Variants in KCTD8 observed in about 807,000 individuals in gnomAD.
The protein encoded by KCTD8 is potassium channel tetramerization domain containing 8, also known as BTB/POZ domain-containing protein KCTD8.
A neutral mutation model predicts 31.5 loss-of-function variants in KCTD8; 27 were observed. That is an observed-to-expected ratio of 0.86 (90% CI 0.63 to 1.18). The LOEUF (loss-of-function observed/expected upper bound fraction) is 1.18, where lower values mean the gene tolerates loss of function less well. KCTD8 is among the 50% of genes most tolerant of loss of function. The pLI, the probability that KCTD8 is intolerant of heterozygous loss-of-function variation, is 0.00. For synonymous variants in KCTD8, 290 were observed against 280.0 expected (o/e 1.04, Z -0.36); for missense variants, 658 against 647.7 (o/e 1.02, Z -0.17).
chr4:44,314,402 AC>A (rs888146981), intron 1 of KCTD8, among the ~76,000 whole-genome samples: 4 of 152,180 alleles, frequency 2.6e-5, no homozygotes, highest in African/African-American at 9.7e-5. Context: ...AAAAATAAAG[AC>A]AAATGAGAAA....
chr4:44,219,734 C>G (rs1316933184), intron 1 of KCTD8, among the ~76,000 whole-genome samples: 1 of 152,048 alleles, frequency 6.6e-6, no homozygotes, highest in Non-Finnish European at 1.5e-5. Context: ...TACAGTAACT[C>G]TAGGATACTA....
At chr4:44,362,273 A>G (rs1719517582) in intron 1 of KCTD8, among the ~76,000 whole-genome samples, 1 of 152,138 alleles carries the variant, frequency 6.6e-6, no homozygotes. Context: ...AGAATTTAGA[A>G]CTTTATTTCT....
chr4:44,344,736 G>A (rs960936301), intron 1 of KCTD8, among the ~76,000 whole-genome samples: 30 of 152,208 alleles, frequency 2.0e-4, no homozygotes, highest in African/African-American at 6.7e-4. Context: ...TTCACAATAT[G>A]CTTATATTAA....
In KCTD8 at chr4:44,400,822, T is replaced by C. The variant is rs1400306507; in HGVS notation, c.961+46741A>G. 4.6e-5 allele frequency among the ~76,000 whole-genome samples: 7 copies of C among 151,704 alleles called. No homozygotes were observed. The East Asian group carries it at 1.4e-3, about 29-fold the overall frequency. On this transcript the variant is annotated intron_variant, in intron 1 of 1. Transcript: ENST00000360029. Reference sequence around the variant, plus strand: ...TAAACTAAATGGTATTTTAGTTCAATGAATGAATTTCATAATTTAAAGTAA... The same window carrying C: ...TAAACTAAATGGTATTTTAGTTCAACGAATGAATTTCATAATTTAAAGTAA...
At chr4:44,266,981 T>C (rs950335370) in intron 1 of KCTD8, among the ~76,000 whole-genome samples, 1 of 152,076 alleles carries the variant, frequency 6.6e-6, no homozygotes, top group African/African-American at 2.4e-5. Flanking sequence ...ATTAGACAGA[T>C]CAACGAGACA....
intron 1 of KCTD8, among the ~76,000 whole-genome samples, chr4:44,333,232 A>G (rs1718636093): frequency 1.3e-5 from 2 of 152,106 alleles, no homozygotes; most frequent in Non-Finnish European, 2.9e-5. Flanking sequence ...AAGACAGACA[A>G]TCCAATACAG....
At chr4:44,270,342 G>A (rs1388352817) in intron 1 of KCTD8, among the ~76,000 whole-genome samples, 1 of 139,906 alleles carries the variant, frequency 7.1e-6, no homozygotes, top group Non-Finnish European at 1.5e-5. Context: ...ATTGAACAAT[G>A]AGAACACATG....
intron 1 of KCTD8, among the ~76,000 whole-genome samples, chr4:44,216,520 T>C (rs1177192903): frequency 1.2e-4 from 19 of 152,172 alleles, no homozygotes; most frequent in Admixed American, 1.2e-3. Context: ...CCAATATTTC[T>C]GAATGAATAG....
chr4:44,259,762 A>G (rs1284183896), intron 1 of KCTD8, among the ~76,000 whole-genome samples: 3 of 151,910 alleles, frequency 2.0e-5, no homozygotes, highest in African/African-American at 7.2e-5. Context: ...ATTCAAATCC[A>G]TTAGTGCAAG....
intron 1 of KCTD8, among the ~76,000 whole-genome samples, chr4:44,324,057 ACAAAAC>A: frequency 7.5e-6 from 1 of 133,276 alleles, no homozygotes; most frequent in African/African-American, 2.9e-5. Context: ...AAAAAAAAAA[ACAAAAC>A]AAAACAAAAC....
intron 1 of KCTD8, 151 bp from the exon 2 acceptor site, chr4:44,175,401 A>G (rs112899004): frequency 1.6e-5 from 8 of 510,158 alleles, no homozygotes; most frequent in African/African-American, 1.6e-4. Flanking sequence ...GGTTTGTGAG[A>G]TTAAATACAA....
chr4:44,217,598 T>G (rs930672945), intron 1 of KCTD8, among the ~76,000 whole-genome samples: 7 of 152,184 alleles, frequency 4.6e-5, no homozygotes, highest in African/African-American at 1.4e-4. Context: ...GTCAGTGGAC[T>G]GCGGAAGGAA....
At chr4:44,289,342 C>A (rs1717201084) in intron 1 of KCTD8, among the ~76,000 whole-genome samples, 1 of 151,656 alleles carries the variant, frequency 6.6e-6, no homozygotes, top group African/African-American at 2.4e-5. Flanking sequence ...AATACAAAGA[C>A]AAAATATAAA....
intron 1 of KCTD8, among the ~76,000 whole-genome samples, chr4:44,435,435 G>C (rs979421734): frequency 6.6e-6 from 1 of 151,874 alleles, no homozygotes; most frequent in Non-Finnish European, 1.5e-5. Context: ...ACTCTAATAT[G>C]ACCATTTCAA....
intron 1 of KCTD8, among the ~76,000 whole-genome samples, chr4:44,207,447 C>T (rs1377811530): frequency 6.6e-6 from 1 of 152,108 alleles, no homozygotes; most frequent in Non-Finnish European, 1.5e-5. Context: ...TCCCTTTACC[C>T]CATTATAATA....
intron 1 of KCTD8, among the ~76,000 whole-genome samples, chr4:44,199,651 C>G (rs138217249): frequency 2.4e-4 from 37 of 152,008 alleles, no homozygotes; most frequent in African/African-American, 8.7e-4. Context: ...GCAGCCAAAG[C>G]AATGTTAAGA....
chr4:44,330,469 T>C (rs907712537), intron 1 of KCTD8, among the ~76,000 whole-genome samples: 1 of 151,980 alleles, frequency 6.6e-6, no homozygotes, highest in East Asian at 1.9e-4. Flanking sequence ...TTATTTTTCA[T>C]GGATGTTATC....
chr4:44,424,845 T>C (rs762149289), intron 1 of KCTD8, among the ~76,000 whole-genome samples: 3 of 152,060 alleles, frequency 2.0e-5, no homozygotes, highest in Non-Finnish European at 4.4e-5. Flanking sequence ...TTCTCATTGA[T>C]ATGGACTGAA....
chr4:44,424,226 T>C (rs1474490596), intron 1 of KCTD8, among the ~76,000 whole-genome samples: 1 of 152,076 alleles, frequency 6.6e-6, no homozygotes, highest in East Asian at 1.9e-4. Flanking sequence ...AAGACAATCC[T>C]GGGTCTCTCA....
Sources: gnomAD v4.1 joint callset for allele counts (sites outside exome capture counted in the v4.1 genomes callset) on GRCh38, gnomAD v4.1.1 for gene constraint, MANE v1.5 for transcripts, NCBI Gene and HGNC (gene_info 2026-07-23, HGNC 2026-07-21) for gene names.